The following TSHZ2 variants were observed in gnomAD, a reference collection of about 807,000 sequenced individuals.
TSHZ2 encodes teashirt homolog 2.
In TSHZ2, 21 loss-of-function variants were observed where a neutral mutation model predicts 74.4. The ratio of observed to expected loss-of-function variants is 0.28; its 90% confidence interval spans 0.20 to 0.41. The LOEUF (loss-of-function observed/expected upper bound fraction) is 0.41, where lower values mean the gene tolerates loss of function less well. Ranked by LOEUF, TSHZ2 falls within the 10% of genes least tolerant of loss-of-function variation. The pLI, the probability that TSHZ2 is intolerant of heterozygous loss-of-function variation, is 1.00. For synonymous variants in TSHZ2, 540 were observed against 515.3 expected (o/e 1.05, Z -0.65); for missense variants, 1,244 against 1,293.5 (o/e 0.96, Z 0.59).
chr20:53,097,096 C>T (rs1240415438), intron 1 of TSHZ2, among the ~76,000 whole-genome samples: 1 of 152,060 alleles, frequency 6.6e-6, no homozygotes, highest in African/African-American at 2.4e-5. Context: ...CAGTAGAACT[C>T]TCAGTTGTGT....
intron 2 of TSHZ2, among the ~76,000 whole-genome samples, chr20:53,469,595 A>C (rs982221609): frequency 8.3e-6 from 1 of 120,582 alleles, no homozygotes; most frequent in African/African-American, 3.3e-5. Flanking sequence ...GAAGGAAGGA[A>C]GGACCCAAGA....
At chr20:53,367,761 C>T (rs1409037618) in intron 2 of TSHZ2, among the ~76,000 whole-genome samples, 1 of 151,870 alleles carries the variant, frequency 6.6e-6, no homozygotes. Context: ...TTAGTAGAGA[C>T]GGGGTTTCAT....
At chr20:53,258,551 T>G (rs1411673287) in intron 2 of TSHZ2, among the ~76,000 whole-genome samples, 1 of 152,136 alleles carries the variant, frequency 6.6e-6, no homozygotes, top group Non-Finnish European at 1.5e-5. Context: ...GCCAAAACAC[T>G]CTGATATGTA....
chr20:53,126,951 T>C (rs1384060820), intron 1 of TSHZ2, among the ~76,000 whole-genome samples: 3 of 151,842 alleles, frequency 2.0e-5, no homozygotes, highest in Non-Finnish European at 4.4e-5. Context: ...GTCCGTTCCA[T>C]GAATGTACCT....
At chr20:53,362,375 G>A (rs1362825959) in intron 2 of TSHZ2, among the ~76,000 whole-genome samples, 4 of 151,162 alleles carry the variant, frequency 2.6e-5, no homozygotes, top group Admixed American at 2.0e-4. Flanking sequence ...TGGTAGAGAC[G>A]GGGTTTCGCT....
At chr20:53,423,639 C>T (rs1983557901) in intron 2 of TSHZ2, among the ~76,000 whole-genome samples, 1 of 152,208 alleles carries the variant, frequency 6.6e-6, no homozygotes, top group South Asian at 2.1e-4. Flanking sequence ...TTAAGACAAT[C>T]TCCCAAAGTC....
chr20:53,278,319 A>C (rs540803661), intron 2 of TSHZ2, among the ~76,000 whole-genome samples: 1 of 152,286 alleles, frequency 6.6e-6, no homozygotes, highest in African/African-American at 2.4e-5. Context: ...TCTTCTCATG[A>C]TGTCTCAGCT....
At chr20:53,165,434 C>T (rs933310049) in intron 1 of TSHZ2, among the ~76,000 whole-genome samples, 5 of 152,216 alleles carry the variant, frequency 3.3e-5, no homozygotes, top group Non-Finnish European at 7.3e-5. Context: ...ATTATTTACA[C>T]CTTGTCACAT....
intron 1 of TSHZ2, among the ~76,000 whole-genome samples, chr20:53,132,279 C>T (rs1280858693): frequency 6.6e-6 from 1 of 151,814 alleles, no homozygotes; most frequent in African/African-American, 2.4e-5. Flanking sequence ...CCCCTGCTCC[C>T]ACTGCAGGTT....
chr20:53,209,262 A>G (rs1989245269), intron 1 of TSHZ2, among the ~76,000 whole-genome samples: 2 of 151,942 alleles, frequency 1.3e-5, no homozygotes, highest in Non-Finnish European at 1.5e-5. Context: ...TAATTTTTGT[A>G]TTTTTAGTAG....
chr20:52,973,410 G>C (rs1056371203), intron 1 of TSHZ2, 77 bp downstream of exon 1: 1 of 1,505,710 alleles, frequency 6.6e-7, no homozygotes, highest in Non-Finnish European at 9.0e-7. Flanking sequence ...CTGGGTGCCC[G>C]GGGGCACCAC....
At chr20:53,467,316 T>C (rs1985592428) in intron 2 of TSHZ2, among the ~76,000 whole-genome samples, 1 of 152,244 alleles carries the variant, frequency 6.6e-6, no homozygotes, top group African/African-American at 2.4e-5. Flanking sequence ...GACTTCATTT[T>C]TTAAATTTCC....
intron 1 of TSHZ2, among the ~76,000 whole-genome samples, chr20:53,003,356 A>C (rs535913310): frequency 2.0e-5 from 3 of 151,012 alleles, no homozygotes; most frequent in African/African-American, 7.3e-5. Flanking sequence ...ACAGCTCAGG[A>C]TCTTATTTTG....
At chr20:53,230,891 A>T (rs1989809859) in intron 1 of TSHZ2, among the ~76,000 whole-genome samples, 1 of 152,160 alleles carries the variant, frequency 6.6e-6, no homozygotes, top group Non-Finnish European at 1.5e-5. Context: ...CTCAAAAAAA[A>T]AAGAAAAAAG....
chr20:53,049,870 T>G (rs943222708), intron 1 of TSHZ2, among the ~76,000 whole-genome samples: 1 of 151,892 alleles, frequency 6.6e-6, no homozygotes, highest in African/African-American at 2.4e-5. Flanking sequence ...TCTCTTGAGG[T>G]CAGGAGCTCG....
chr20:53,405,590 C>A (rs1294312607), intron 2 of TSHZ2, among the ~76,000 whole-genome samples: 1 of 152,018 alleles, frequency 6.6e-6, no homozygotes, highest in Non-Finnish European at 1.5e-5. Context: ...TGCCAAGGTG[C>A]CAACATTCTA....
intron 1 of TSHZ2, among the ~76,000 whole-genome samples, chr20:53,175,265 C>G (rs879341725): frequency 6.6e-6 from 1 of 151,328 alleles, no homozygotes; most frequent in South Asian, 2.1e-4. Flanking sequence ...CTCAGCCTCC[C>G]GAGTAGCTGG....
chr20:53,091,379 A>G (rs1385119143), intron 1 of TSHZ2, among the ~76,000 whole-genome samples: 1 of 152,190 alleles, frequency 6.6e-6, no homozygotes, highest in Non-Finnish European at 1.5e-5. Context: ...CTAGGTTTGT[A>G]TGCCGCTCCC....
Position 53,374,135 on chromosome 20 carries a change from C to T in TSHZ2, c.*9-113009C>T, listed in dbSNP as rs1368921148. 3.9e-5 allele frequency among the ~76,000 whole-genome samples: 6 copies of T among 152,254 alleles called. No individual in the cohort carries two copies. In the East Asian group the frequency reaches 9.6e-4, roughly 24 times the overall value. ...ATCCAATAGGTAGTTTTTGCATCCT[C>T]ACCCTCCTCCCTTCACCCTCCAGTA... On this transcript the variant is annotated intron_variant, in intron 2 of 2. Coordinates refer to ENST00000371497, the MANE Select transcript of TSHZ2 (RefSeq NM_173485.6).
Sources: gnomAD v4.1 joint callset for allele counts (sites outside exome capture counted in the v4.1 genomes callset) on GRCh38, gnomAD v4.1.1 for gene constraint, MANE v1.5 for transcripts, NCBI Gene and HGNC (gene_info 2026-07-23, HGNC 2026-07-21) for gene names.